CADM4: variants seen among roughly 807,000 people sequenced by gnomAD.
The protein encoded by CADM4 is TSLC1-like 2.
A neutral mutation model predicts 43.9 loss-of-function variants in CADM4; 13 were observed. The observed-to-expected ratio is 0.30, with a 90% CI of 0.19 to 0.47. The LOEUF (loss-of-function observed/expected upper bound fraction) is 0.47, where lower values mean the gene tolerates loss of function less well. CADM4 is among the 20% of genes least tolerant of loss of function. The pLI is 1.00. For synonymous variants in CADM4, 209 were observed against 220.9 expected (o/e 0.95, Z 0.48); for missense variants, 420 against 527.0 (o/e 0.80, Z 1.99).
Position 43,627,894 on chromosome 19 carries a change from C to T in CADM4, c.65-104G>A. 1 of 1,169,726 alleles carries T rather than the reference C, an allele frequency of 8.5e-7. No individual in the cohort carries two copies. The highest frequency in any genetic ancestry group is 1.4e-5 in the South Asian group (1 of 71,494). The allele number at this position is 1,169,726 out of a possible 1,614,324, so 72.5% of individuals were successfully genotyped here. A position where few individuals can be genotyped will look rare whatever the true frequency, so the allele number is the denominator to read the frequency against. ...ATCCAAACCTCCAATCCCTCTCTTT[C>T]CCCTCATTCATTCCATTGCACTGAA... On this transcript the variant is annotated intron_variant, in intron 1 of 8. Coordinates refer to ENST00000222374, the MANE Select transcript of CADM4 (RefSeq NM_145296.2). The surrounding 1 kb of genome is among the most constrained non-coding windows in gnomAD (Gnocchi z 4.0).
intron 1 of CADM4, among the ~76,000 whole-genome samples, chr19:43,638,266 G>A (rs1238208061): frequency 6.6e-6 from 1 of 152,198 alleles, no homozygotes; most frequent in Non-Finnish European, 1.5e-5. Flanking sequence ...TTCACGGTCT[G>A]AGCTGGCGTT....
In CADM4 at chr19:43,623,708, T is replaced by A. The variant is rs1973476579; in HGVS notation, c.1058-269A>T. Reference sequence around the variant, plus strand: ...TTTCCTTGCCCTGCTCCCAGCGAATTCAGCAATTAGGAAAATAAATTGTTT... The same window carrying A: ...TTTCCTTGCCCTGCTCCCAGCGAATACAGCAATTAGGAAAATAAATTGTTT... On this transcript the variant is annotated intron_variant, in intron 8 of 8. Coordinates refer to ENST00000222374, the MANE Select transcript of CADM4 (RefSeq NM_145296.2). The surrounding 1 kb of genome is among the most constrained non-coding windows in gnomAD (Gnocchi z 4.4). 6.6e-6 allele frequency among the ~76,000 whole-genome samples: 1 copy of A among 152,186 alleles called. No individual in the cohort carries two copies. Among genetic ancestry groups the A allele is most frequent in the Non-Finnish European group, 1.5e-5 (1 of 68,020 alleles).
At chr19:43,635,182 G>C (rs1568544131) in intron 1 of CADM4, among the ~76,000 whole-genome samples, 3 of 151,938 alleles carry the variant, frequency 2.0e-5, no homozygotes, top group Non-Finnish European at 4.4e-5. Context: ...GAATACCCAA[G>C]GGAGTCTCAA....
chr19:43,629,312 A>AT (rs1045130046), intron 1 of CADM4, among the ~76,000 whole-genome samples: 3 of 152,170 alleles, frequency 2.0e-5, no homozygotes, highest in African/African-American at 7.2e-5. Context: ...TGAGCAAGAA[A>AT]TATACCTTTT....
chr19:43,636,703 CTG>C lies in CADM4; in HGVS notation c.64+3022_64+3023del, dbSNP rs1177249778. Among the ~76,000 whole-genome samples the C allele has an allele frequency of 1.2e-4, 17 of 141,070 alleles. No individual in the cohort carries two copies. In the East Asian group the frequency reaches 4.0e-3, roughly 33 times the overall value. 92.5% of individuals were successfully genotyped at this position (141,070 alleles called of 152,430 possible). A position where few individuals can be genotyped will look rare whatever the true frequency, so the allele number is the denominator to read the frequency against. On this transcript the variant is annotated intron_variant, in intron 1 of 8. Transcript: ENST00000222374. Reference sequence around the variant, plus strand: ...AACCCAGCCTTAGGCCCCAGCCCTGCTGTGTCTAAGGTCTTGGAATCCACTGC... The same window carrying C: ...AACCCAGCCTTAGGCCCCAGCCCTGCTGTCTAAGGTCTTGGAATCCACTGC...
chr19:43,623,968 C>A lies in CADM4; in HGVS notation c.1057+146G>T, dbSNP rs1203330742. On this transcript the variant is annotated intron_variant, in intron 8 of 8. Coordinates refer to ENST00000222374, the MANE Select transcript of CADM4 (RefSeq NM_145296.2). This position sits in a 1 kb window ranked among gnomAD's most constrained non-coding sequence, Gnocchi z 4.4. ...TTCGAGTATTGTGCCGAAAGCCCCG[C>A]CCCCTTTGTCATCTCCGCCCCCGGT... The A allele has an allele frequency of 9.5e-6, 9 of 952,066 alleles. No homozygotes were observed. Among genetic ancestry groups the A allele is most frequent in the African/African-American group, 4.9e-5 (3 of 60,812 alleles). 59.0% of individuals were successfully genotyped at this position (952,066 alleles called of 1,614,324 possible). A position where few individuals can be genotyped will look rare whatever the true frequency, so the allele number is the denominator to read the frequency against.
Position 43,623,109 on chromosome 19 carries a change from C to T in CADM4, c.*221G>A. The T allele has an allele frequency of 1.8e-6, 1 of 551,046 alleles. No individual in the cohort carries two copies. The highest frequency in any genetic ancestry group is 3.1e-5 in the East Asian group (1 of 32,674). 34.1% of individuals were successfully genotyped at this position (551,046 alleles called of 1,614,324 possible). A position where few individuals can be genotyped will look rare whatever the true frequency, so the allele number is the denominator to read the frequency against. On this transcript the variant is annotated 3_prime_UTR_variant, in exon 9 of 9. Coordinates refer to ENST00000222374, the MANE Select transcript of CADM4 (RefSeq NM_145296.2). The surrounding 1 kb of genome is among the most constrained non-coding windows in gnomAD (Gnocchi z 4.4). ...CTTGGGGGGTCTGGACCTTTGGCCC[C>T]TGCCCCCTGGGGGACCCAGACCTCT...
chr19:43,625,727 C>T lies in CADM4; in HGVS notation c.755+184G>A, dbSNP rs1202168256. Among the ~76,000 whole-genome samples the T allele has an allele frequency of 1.3e-5, 2 of 152,040 alleles. No homozygotes were observed. Among genetic ancestry groups the T allele is most frequent in the Non-Finnish European group, 2.9e-5 (2 of 68,016 alleles). ...GGATCCAGGAGTCCAGGTCCCAGAT[C>T]CCTATTCGTCCAGGTCCCCAGCTCT... On this transcript the variant is annotated intron_variant, in intron 6 of 8. Transcript: ENST00000222374. This position sits in a 1 kb window ranked among gnomAD's most constrained non-coding sequence, Gnocchi z 4.5.
rs1973540217 is a variant in CADM4, at chr19:43,627,040, G to C, written c.365-122C>G. 6.8e-7 allele frequency: 1 copy of C among 1,477,174 alleles called. No individual in the cohort carries two copies. The highest frequency in any genetic ancestry group is 9.1e-7 in the Non-Finnish European group (1 of 1,102,832). 91.5% of individuals were successfully genotyped at this position (1,477,174 alleles called of 1,614,324 possible). On this transcript the variant is annotated intron_variant, in intron 3 of 8. Transcript: ENST00000222374. This position sits in a 1 kb window ranked among gnomAD's most constrained non-coding sequence, Gnocchi z 4.0. Reference sequence around the variant, plus strand: ...GGTCCCAGGTGGCAGGGGTCAAAGGGGAGAGGTCAGGAGCCAGATGCCCAT... The same window carrying C: ...GGTCCCAGGTGGCAGGGGTCAAAGGCGAGAGGTCAGGAGCCAGATGCCCAT...
upstream of CADM4, among the ~76,000 whole-genome samples, chr19:43,640,402 G>T (rs1246465207): frequency 6.6e-6 from 1 of 151,862 alleles, no homozygotes; most frequent in Admixed American, 6.5e-5. Flanking sequence ...CACCGGGACA[G>T]GGGAGGCTGC....
At position 43,625,138 on chromosome 19, in the gene CADM4, T is replaced by A. The variant is rs769833562; in HGVS notation, c.868A>T (p.Thr290Ser). ...GLVSADNGTY[T>S]CEASNKHGHA... ...CCGTGCTTATTGGACGCCTCGCAAGTGTAGGTGCCGTTATCCGCGGATACC... is the reference window on the plus strand; with the variant it reads ...CCGTGCTTATTGGACGCCTCGCAAGAGTAGGTGCCGTTATCCGCGGATACC... The change falls in exon 7 of 9, where the codon ACT becomes TCT. Residue 290 changes from threonine to serine, a missense_variant. By Grantham distance (58) the Thr-to-Ser change is moderately conservative. Transcript: ENST00000222374. The surrounding 1 kb of genome is among the most constrained non-coding windows in gnomAD (Gnocchi z 4.5). The A allele has an allele frequency of 3.1e-6, 5 of 1,613,338 alleles. No homozygotes were observed. The highest frequency in any genetic ancestry group is 1.3e-5 in the African/African-American group (1 of 74,720).
chr19:43,626,394 C>A lies in CADM4; in HGVS notation c.500-106G>T. ...CTATTTGCCAAGCTCCACCCCTTAC[C>A]CACAGGCCCCGCCTCTTGTCCTCCA... On this transcript the variant is annotated intron_variant, in intron 4 of 8. Transcript: ENST00000222374. The surrounding 1 kb of genome is among the most constrained non-coding windows in gnomAD (Gnocchi z 5.9). 7.3e-7 allele frequency: 1 copy of A among 1,370,172 alleles called. No homozygotes were observed. The highest frequency in any genetic ancestry group is 1.4e-5 in the South Asian group (1 of 73,894). The allele number at this position is 1,370,172 out of a possible 1,614,324, so 84.9% of individuals were successfully genotyped here. A position where few individuals can be genotyped will look rare whatever the true frequency, so the allele number is the denominator to read the frequency against.
upstream of CADM4, among the ~76,000 whole-genome samples, chr19:43,640,956 A>G (rs982812653): frequency 2.0e-5 from 3 of 149,090 alleles, no homozygotes; most frequent in Non-Finnish European, 4.5e-5. Flanking sequence ...AATTATGAAC[A>G]TCTTTCCTTC....
chr19:43,634,473 C>T (rs1422881379), intron 1 of CADM4, among the ~76,000 whole-genome samples: 2 of 152,126 alleles, frequency 1.3e-5, no homozygotes, highest in Non-Finnish European at 2.9e-5. Flanking sequence ...ATCCCCTGCT[C>T]TCTGCTTGAG....
At position 43,636,669 on chromosome 19, in the gene CADM4, CACG is replaced by C. The variant is rs537940772; in HGVS notation, c.64+3055_64+3057del. Reference sequence around the variant, plus strand: ...CCAAGATGGGGACAGGCCAGGCTCGCACGACATTAACCCAGCCTTAGGCCCCAG... The same window carrying C: ...CCAAGATGGGGACAGGCCAGGCTCGCACATTAACCCAGCCTTAGGCCCCAG... On this transcript the variant is annotated intron_variant, in intron 1 of 8. Transcript: ENST00000222374. 6.6e-3 allele frequency among the ~76,000 whole-genome samples: 1,006 copies of C among 151,830 alleles called. 7 individuals carry two copies. The highest frequency in any genetic ancestry group is 0.017 in the Middle Eastern group (5 of 294).
intron 1 of CADM4, among the ~76,000 whole-genome samples, chr19:43,630,867 ATTTGTC>A (rs2146147963): frequency 6.6e-6 from 1 of 152,212 alleles, no homozygotes; most frequent in Non-Finnish European, 1.5e-5. Flanking sequence ...AGATCTGGCT[ATTTGTC>A]TTTAAGTGCT....
At chr19:43,630,133 G>C in intron 1 of CADM4, among the ~76,000 whole-genome samples, 1 of 151,896 alleles carries the variant, frequency 6.6e-6, no homozygotes, top group East Asian at 1.9e-4. Context: ...TTGAACTTGC[G>C]AGCTCAAGTG....
At chr19:43,632,023 T>C (rs2146150413) in intron 1 of CADM4, among the ~76,000 whole-genome samples, 1 of 152,284 alleles carries the variant, frequency 6.6e-6, no homozygotes, top group South Asian at 2.1e-4. Context: ...TATAGCACTT[T>C]GGGTATTTCA....
At chr19:43,638,900 A>G (rs959777813) in intron 1 of CADM4, among the ~76,000 whole-genome samples, 2 of 152,132 alleles carry the variant, frequency 1.3e-5, no homozygotes, top group African/African-American at 2.4e-5. Context: ...AGAGAGAGGG[A>G]GGAAGGTAGG....
Sources: allele counts gnomAD v4.1 joint callset (sites outside exome capture counted in the v4.1 genomes callset), GRCh38; gene constraint gnomAD v4.1.1; non-coding constraint Gnocchi (gnomAD v3.1); transcripts MANE v1.5; gene names NCBI Gene and HGNC (gene_info 2026-07-23, HGNC 2026-07-21).